NXPH1: variants seen among roughly 807,000 people sequenced by gnomAD.
The protein encoded by NXPH1 is neurexophilin-1.
A neutral mutation model predicts 23.7 loss-of-function variants in NXPH1; 5 were observed. The ratio of observed to expected loss-of-function variants is 0.21; its 90% confidence interval spans 0.11 to 0.44. The LOEUF is 0.44. NXPH1 is among the 20% of genes least tolerant of loss of function. The pLI, the probability that NXPH1 is intolerant of heterozygous loss-of-function variation, is 0.99. For synonymous variants in NXPH1, 144 were observed against 122.2 expected (o/e 1.18, Z -1.18); for missense variants, 324 against 321.6 (o/e 1.01, Z -0.06).
chr7:8,697,881 T>C (rs1051350258), intron 2 of NXPH1, among the ~76,000 whole-genome samples: 3 of 152,162 alleles, frequency 2.0e-5, no homozygotes, highest in African/African-American at 7.2e-5. Flanking sequence ...AGAGACACAC[T>C]GGTAGAACAG....
chr7:8,457,109 A>C (rs1187199070), intron 2 of NXPH1, among the ~76,000 whole-genome samples: 3 of 152,218 alleles, frequency 2.0e-5, no homozygotes, highest in Non-Finnish European at 4.4e-5. Flanking sequence ...TTCCCATTTT[A>C]AAATGGCTTT....
At chr7:8,663,816 G>T (rs1351531367) in intron 2 of NXPH1, among the ~76,000 whole-genome samples, 1 of 152,046 alleles carries the variant, frequency 6.6e-6, no homozygotes, top group Non-Finnish European at 1.5e-5. Flanking sequence ...AATTCATGGA[G>T]ATAGCTTGAG....
intron 2 of NXPH1, among the ~76,000 whole-genome samples, chr7:8,742,867 A>C (rs1780390588): frequency 6.6e-6 from 1 of 152,196 alleles, no homozygotes; most frequent in South Asian, 2.1e-4. Flanking sequence ...GAAGTAGCTT[A>C]CCAGCAGTGA....
At chr7:8,617,882 CT>C (rs1819779399) in intron 2 of NXPH1, among the ~76,000 whole-genome samples, 1 of 152,042 alleles carries the variant, frequency 6.6e-6, no homozygotes, top group Non-Finnish European at 1.5e-5. Context: ...ACATTGCATG[CT>C]TGTGTTAAAA....
chr7:8,548,228 T>A (rs958169262), intron 2 of NXPH1, among the ~76,000 whole-genome samples: 4 of 151,524 alleles, frequency 2.6e-5, no homozygotes, highest in Non-Finnish European at 5.9e-5. Context: ...AAAGGATACT[T>A]CCTGTTCATG....
At chr7:8,546,465 T>C (rs377182518) in intron 2 of NXPH1, among the ~76,000 whole-genome samples, 1 of 151,186 alleles carries the variant, frequency 6.6e-6, no homozygotes, top group Non-Finnish European at 1.5e-5. Flanking sequence ...CACACTGCAA[T>C]CTATGGACTC....
intron 2 of NXPH1, among the ~76,000 whole-genome samples, chr7:8,503,926 C>G (rs148247766): frequency 9.9e-5 from 15 of 152,154 alleles, no homozygotes; most frequent in African/African-American, 3.4e-4. Context: ...CTCAGTTCAG[C>G]CTGCAAAGCC....
At chr7:8,513,839 A>T (rs999840257) in intron 2 of NXPH1, among the ~76,000 whole-genome samples, 1 of 152,076 alleles carries the variant, frequency 6.6e-6, no homozygotes, top group Non-Finnish European at 1.5e-5. Flanking sequence ...AAGTAGCACA[A>T]ACTTGGAGGC....
chr7:8,750,812 A>G (rs1780550360), intron 2 of NXPH1, among the ~76,000 whole-genome samples, 196 bp from the exon 3 acceptor site: 1 of 152,154 alleles, frequency 6.6e-6, no homozygotes, highest in South Asian at 2.1e-4. Context: ...TGGTGCTTTT[A>G]AAACGTAATT....
chr7:8,495,151 G>A (rs1013733529), intron 2 of NXPH1, among the ~76,000 whole-genome samples: 2 of 151,836 alleles, frequency 1.3e-5, no homozygotes, highest in Admixed American at 6.6e-5. Flanking sequence ...GTGATTGGGG[G>A]CACTGGCAAG....
At chr7:8,561,866 G>T (rs909532472) in intron 2 of NXPH1, among the ~76,000 whole-genome samples, 21 of 151,694 alleles carry the variant, frequency 1.4e-4, no homozygotes, top group Non-Finnish European at 2.2e-4. Flanking sequence ...ATGTTGCTGA[G>T]AAACAAAAGA....
intron 2 of NXPH1, among the ~76,000 whole-genome samples, chr7:8,549,619 T>C (rs1053410816): frequency 2.0e-5 from 3 of 151,540 alleles, no homozygotes; most frequent in Non-Finnish European, 4.4e-5. Context: ...TCTCTGCTTT[T>C]TGGAATTTTG....
intron 2 of NXPH1, among the ~76,000 whole-genome samples, chr7:8,633,332 G>A (rs1820162907): frequency 6.6e-6 from 1 of 152,214 alleles, no homozygotes; most frequent in African/African-American, 2.4e-5. Flanking sequence ...GGAGGCTGAG[G>A]CAGGGGAATC....
chr7:8,729,228 CTT>C (rs1247840877), intron 2 of NXPH1, among the ~76,000 whole-genome samples: 1 of 149,620 alleles, frequency 6.7e-6, no homozygotes, highest in Non-Finnish European at 1.5e-5. Context: ...ATTCTTCTCT[CTT>C]TTTTTCTTTC....
intron 2 of NXPH1, among the ~76,000 whole-genome samples, chr7:8,443,979 G>C (rs538933077): frequency 6.6e-6 from 1 of 152,304 alleles, no homozygotes; most frequent in Non-Finnish European, 1.5e-5. Context: ...GCACGCCCTA[G>C]AGCAGACACT....
rs74931725 is a variant in NXPH1 at position 8,513,069 on chromosome 7, A to G, written c.54+77302A>G. Among the ~76,000 whole-genome samples the G allele has an allele frequency of 7.7e-3, 1,174 of 152,186 alleles. 11 individuals carry two copies. The highest frequency in any genetic ancestry group is 0.027 in the African/African-American group (1,136 of 41,544). The stretch of plus-strand genomic sequence containing the variant: ...TGTGTACAGAGTCAATATGAGAATT[A>G]CTAAAATAGAAATATGCATGTGGAA... On this transcript the variant is annotated intron_variant, in intron 2 of 2. Coordinates refer to ENST00000405863, the MANE Select transcript of NXPH1 (RefSeq NM_152745.3).
rs146479713 is a variant in NXPH1 at position 8,665,694 on chromosome 7, A to G, written c.55-85314A>G. 7.7e-3 allele frequency among the ~76,000 whole-genome samples: 1,168 copies of G among 152,056 alleles called. 13 individuals carry two copies. The highest frequency in any genetic ancestry group is 0.044 in the Middle Eastern group (13 of 294). On this transcript the variant is annotated intron_variant, in intron 2 of 2. Transcript: ENST00000405863. The stretch of plus-strand genomic sequence containing the variant: ...TTAATGTGTTTAATTTATTTCATCA[A>G]TACTTTATAGTTTTCAGTGCACAGA...
At chr7:8,514,916 C>G (rs900292179) in intron 2 of NXPH1, among the ~76,000 whole-genome samples, 1 of 152,056 alleles carries the variant, frequency 6.6e-6, no homozygotes, top group African/African-American at 2.4e-5. Context: ...AAATGTTTTA[C>G]GGTCAGTTTA....
intron 2 of NXPH1, among the ~76,000 whole-genome samples, chr7:8,453,139 G>A (rs1439927528): frequency 6.6e-6 from 1 of 152,038 alleles, no homozygotes; most frequent in Non-Finnish European, 1.5e-5. Flanking sequence ...ATTTTTTACA[G>A]AAGTAGAAGG....
Sources: allele counts gnomAD v4.1 joint callset (sites outside exome capture counted in the v4.1 genomes callset), GRCh38; gene constraint gnomAD v4.1.1; transcripts MANE v1.5; gene names NCBI Gene and HGNC (gene_info 2026-07-23, HGNC 2026-07-21).